The following GALNT13 variants were observed in gnomAD, a reference collection of about 807,000 sequenced individuals.
GALNT13 encodes the protein polypeptide N-acetylgalactosaminyltransferase 13.
A neutral mutation model predicts 64.2 loss-of-function variants in GALNT13; 28 were observed. That is an observed-to-expected ratio of 0.44 (90% CI 0.32 to 0.60). The LOEUF (loss-of-function observed/expected upper bound fraction) is 0.60. Ranked by LOEUF, GALNT13 falls within the 20% of genes least tolerant of loss-of-function variation. The pLI, the probability that GALNT13 is intolerant of heterozygous loss-of-function variation, is 0.05. For missense variants in GALNT13, 577 were observed against 669.8 expected, an observed-to-expected ratio of 0.86 and a Z score of 1.53; for synonymous variants, 214 against 224.6, an observed-to-expected ratio of 0.95 and a Z score of 0.42.
rs1220797225 is a variant in GALNT13 at position 154,445,697 on chromosome 2, A to G, written c.1531-4714A>G. 5 of 567,160 alleles carry G rather than the reference A, an allele frequency of 8.8e-6. No individual in the cohort carries two copies. The South Asian group carries it at 1.0e-4, about 11-fold the overall frequency. 35.1% of individuals were successfully genotyped at this position (567,160 alleles called of 1,614,324 possible). ...CTGTGGAAGATAAATCCTTGAAAAC[A>G]TAAATCCAATAATTTGTGTTCATTA... is the stretch of plus-strand genomic sequence containing the variant. On this transcript the variant is annotated intron_variant, in intron 12 of 12. Coordinates refer to ENST00000392825, the MANE Select transcript of GALNT13 (RefSeq NM_052917.4).
At chr2:153,730,178 C>T in the GALNT13 span, among the ~76,000 whole-genome samples, 1 of 151,904 alleles carries the variant, frequency 6.6e-6, no homozygotes, top group South Asian at 2.1e-4. Flanking sequence ...CATCACATTA[C>T]CTGACTTCAA....
At chr2:154,442,583 A>T (rs1275139856) in intron 12 of GALNT13, among the ~76,000 whole-genome samples, 3 of 152,094 alleles carry the variant, frequency 2.0e-5, no homozygotes, top group Non-Finnish European at 4.4e-5. Flanking sequence ...GAAGAGAAAA[A>T]AATTCATCTC....
At chr2:153,238,953 A>G in the GALNT13 span, among the ~76,000 whole-genome samples, 2 of 152,124 alleles carry the variant, frequency 1.3e-5, no homozygotes, top group Admixed American at 1.3e-4. Flanking sequence ...TTTTAACAAT[A>G]TTGATCCTTC....
At chr2:153,735,651 A>C in the GALNT13 span, among the ~76,000 whole-genome samples, 2 of 151,938 alleles carry the variant, frequency 1.3e-5, no homozygotes, top group South Asian at 4.1e-4. Flanking sequence ...TTCCGTTGTC[A>C]TATTTGTTGA....
intron 2 of GALNT13, among the ~76,000 whole-genome samples, chr2:153,924,074 A>C (rs917649363): frequency 1.3e-5 from 2 of 152,068 alleles, no homozygotes; most frequent in African/African-American, 4.8e-5. Flanking sequence ...TTTTAAATTC[A>C]GGGGTACATG....
chr2:153,950,243 A>C (rs929583418), intron 3 of GALNT13, among the ~76,000 whole-genome samples: 1 of 151,864 alleles, frequency 6.6e-6, no homozygotes, highest in Admixed American at 6.6e-5. Flanking sequence ...AGTATATATA[A>C]AATTTTTTCT....
chr2:153,289,659 A>G, the GALNT13 span, among the ~76,000 whole-genome samples: 1 of 152,160 alleles, frequency 6.6e-6, no homozygotes, highest in Non-Finnish European at 1.5e-5. Context: ...ACAACATGAG[A>G]AGATACTTTT....
the GALNT13 span, among the ~76,000 whole-genome samples, chr2:153,468,604 T>C: frequency 6.6e-6 from 1 of 152,142 alleles, no homozygotes; most frequent in African/African-American, 2.4e-5. Flanking sequence ...GTATTGTTAT[T>C]GTTTAAATAA....
intron 2 of GALNT13, among the ~76,000 whole-genome samples, chr2:153,905,639 G>C (rs1209576366): frequency 6.6e-6 from 1 of 151,916 alleles, no homozygotes; most frequent in Admixed American, 6.6e-5. Flanking sequence ...AGTTTGAGGT[G>C]CAACAGCAAA....
At chr2:153,288,591 C>T in the GALNT13 span, among the ~76,000 whole-genome samples, 2 of 152,258 alleles carry the variant, frequency 1.3e-5, no homozygotes, top group African/African-American at 4.8e-5. Flanking sequence ...GTTATGAGAT[C>T]AACTGTCATA....
At chr2:153,767,485 C>G in the GALNT13 span, among the ~76,000 whole-genome samples, 1 of 152,080 alleles carries the variant, frequency 6.6e-6, no homozygotes, top group Non-Finnish European at 1.5e-5. Flanking sequence ...TTTGCTGGGT[C>G]AAATAGGAGT....
At chr2:153,430,311 G>T in the GALNT13 span, among the ~76,000 whole-genome samples, 4 of 151,862 alleles carry the variant, frequency 2.6e-5, no homozygotes, top group East Asian at 7.7e-4. Flanking sequence ...GTGAAAGTTT[G>T]CTAAACTGTT....
At chr2:153,625,980 C>A in the GALNT13 span, among the ~76,000 whole-genome samples, 1 of 152,098 alleles carries the variant, frequency 6.6e-6, no homozygotes, top group Non-Finnish European at 1.5e-5. Flanking sequence ...TATTCACACA[C>A]TTGTTACTAG....
At chr2:153,294,867 A>T in the GALNT13 span, among the ~76,000 whole-genome samples, 1 of 152,182 alleles carries the variant, frequency 6.6e-6, no homozygotes, top group Non-Finnish European at 1.5e-5. Context: ...GAGGAAAAAG[A>T]AAAAAGTTTT....
chr2:153,382,197 C>G, the GALNT13 span, among the ~76,000 whole-genome samples: 5 of 151,866 alleles, frequency 3.3e-5, no homozygotes, highest in African/African-American at 1.2e-4. Context: ...GCTTCAGGAC[C>G]TTTTTTGTTT....
chr2:153,180,390 T>C, the GALNT13 span, among the ~76,000 whole-genome samples: 2 of 152,194 alleles, frequency 1.3e-5, no homozygotes, highest in Non-Finnish European at 2.9e-5. Flanking sequence ...TTGATAATGA[T>C]GAATGATCCT....
intron 3 of GALNT13, among the ~76,000 whole-genome samples, chr2:154,086,162 A>G (rs1574474425): frequency 6.7e-6 from 1 of 148,282 alleles, no homozygotes; most frequent in South Asian, 2.1e-4. Context: ...TATAGAATAC[A>G]TATAATACAT....
intron 4 of GALNT13, among the ~76,000 whole-genome samples, chr2:154,154,852 A>G (rs539375508): frequency 2.0e-5 from 3 of 152,138 alleles, no homozygotes; most frequent in South Asian, 2.1e-4. Flanking sequence ...GTGACTTACT[A>G]GATATAAGGG....
At chr2:153,299,325 A>C in the GALNT13 span, among the ~76,000 whole-genome samples, 1 of 152,312 alleles carries the variant, frequency 6.6e-6, no homozygotes, top group Admixed American at 6.5e-5. Context: ...TGCTGCCAGG[A>C]AACAACACAC....
Sources: allele counts gnomAD v4.1 joint callset (sites outside exome capture counted in the v4.1 genomes callset), GRCh38; gene constraint gnomAD v4.1.1; transcripts MANE v1.5; gene names NCBI Gene and HGNC (gene_info 2026-07-23, HGNC 2026-07-21).